Variants in ANKRD30A observed in about 807,000 individuals in gnomAD.
The protein encoded by ANKRD30A is ankyrin repeat domain-containing protein 30A.
In ANKRD30A, 170 loss-of-function variants were observed where a neutral mutation model predicts 166.3. That is an observed-to-expected ratio of 1.02 (90% CI 0.90 to 1.16). The LOEUF (loss-of-function observed/expected upper bound fraction) is 1.16. Ranked by LOEUF, ANKRD30A falls within the 50% of genes most tolerant of loss-of-function variation. The pLI, the probability that ANKRD30A is intolerant of heterozygous loss-of-function variation, is 0.00. For synonymous variants in ANKRD30A, 564 were observed against 508.9 expected (o/e 1.11, Z -1.46); for missense variants, 1,630 against 1,518.0 (o/e 1.07, Z -1.23).
chr10:37,207,821 C>T (rs924860279), intron 31 of ANKRD30A, among the ~76,000 whole-genome samples: 9 of 151,808 alleles, frequency 5.9e-5, no homozygotes, highest in African/African-American at 2.2e-4. Flanking sequence ...CTTTAAATGA[C>T]TAGACATAAA....
chr10:37,216,108 A>G, intron 31 of ANKRD30A, 73 bp from the exon 32 acceptor site: 3 of 1,088,028 alleles, frequency 2.8e-6, no homozygotes, highest in Non-Finnish European at 4.0e-6. Flanking sequence ...TGTATAAGTG[A>G]TTGTTAAAAT....
intron 21 of ANKRD30A, among the ~76,000 whole-genome samples, chr10:37,172,528 G>GTT (rs143038047): frequency 1.2e-4 from 13 of 111,698 alleles, no homozygotes; most frequent in African/African-American, 4.5e-4. Flanking sequence ...AGAGTTAGAG[G>GTT]TTTTTTTTTA....
chr10:37,158,760 G>A (rs570721765), intron 15 of ANKRD30A, among the ~76,000 whole-genome samples, 174 bp downstream of exon 15: 83 of 152,232 alleles, frequency 5.5e-4, no homozygotes, highest in Non-Finnish European at 1.3e-4. Context: ...ACAAGCATAA[G>A]ATTTAGAGAT....
At chr10:37,139,406 C>T (rs1219647570) in intron 6 of ANKRD30A, among the ~76,000 whole-genome samples, 1 of 152,238 alleles carries the variant, frequency 6.6e-6, no homozygotes, top group Non-Finnish European at 1.5e-5. Flanking sequence ...TGAGTCAACA[C>T]ACCCGTGGGT....
chr10:37,144,241 G>A (rs1483055871), intron 7 of ANKRD30A, among the ~76,000 whole-genome samples: 2 of 152,106 alleles, frequency 1.3e-5, no homozygotes, highest in African/African-American at 2.4e-5. Flanking sequence ...ATGGCTGTCA[G>A]TATTCCTTGG....
In ANKRD30A at chr10:37,162,253, A is replaced by T. The variant is rs562918157; in HGVS notation, c.1901-396A>T. On this transcript the variant is annotated intron_variant, in intron 15 of 35. Coordinates refer to ENST00000361713, the MANE Select transcript of ANKRD30A (RefSeq NM_052997.3). Reference sequence around the variant, plus strand: ...CAGTTCTACATTCAGCTGAACTTTCATCATAACTATGTACCTTTCCGAAGA... The same window carrying T: ...CAGTTCTACATTCAGCTGAACTTTCTTCATAACTATGTACCTTTCCGAAGA... 7.2e-5 allele frequency among the ~76,000 whole-genome samples: 11 copies of T among 152,290 alleles called. No individual in the cohort carries two copies. The South Asian group carries it at 2.3e-3, about 32-fold the overall frequency.
chr10:37,138,191 C>A (rs1173975994), intron 6 of ANKRD30A, among the ~76,000 whole-genome samples: 1 of 152,064 alleles, frequency 6.6e-6, no homozygotes, highest in African/African-American at 2.4e-5. Context: ...GGAAAACTAA[C>A]AAACAGAAAG....
At chr10:37,139,691 C>G (rs568817949) in intron 6 of ANKRD30A, among the ~76,000 whole-genome samples, 16 of 152,262 alleles carry the variant, frequency 1.1e-4, no homozygotes, top group African/African-American at 3.6e-4. Context: ...GACTGAACTC[C>G]CACAATAACC....
chr10:37,209,149 T>C (rs1236705507), intron 31 of ANKRD30A, among the ~76,000 whole-genome samples: 2 of 152,208 alleles, frequency 1.3e-5, no homozygotes, highest in African/African-American at 4.8e-5. Flanking sequence ...GGCAGTTCTC[T>C]TGTTTGTAAT....
At chr10:37,145,455 C>T (rs544484713) in intron 8 of ANKRD30A, among the ~76,000 whole-genome samples, 1 of 152,150 alleles carries the variant, frequency 6.6e-6, no homozygotes, top group African/African-American at 2.4e-5. Flanking sequence ...CAGATCGGGC[C>T]ATTGCACTCC....
chr10:37,154,636 A>G (rs1358953361), intron 13 of ANKRD30A, among the ~76,000 whole-genome samples: 1 of 152,162 alleles, frequency 6.6e-6, no homozygotes, highest in Non-Finnish European at 1.5e-5. Flanking sequence ...CAGGTGTTGA[A>G]TGGGAAGAAC....
chr10:37,159,620 A>C (rs944425187), intron 15 of ANKRD30A, among the ~76,000 whole-genome samples: 1 of 152,110 alleles, frequency 6.6e-6, no homozygotes, highest in African/African-American at 2.4e-5. Flanking sequence ...ATTTGTTTTC[A>C]TGTCTTATAG....
At chr10:37,220,705 A>G (rs1302074690) in intron 34 of ANKRD30A, among the ~76,000 whole-genome samples, 1 of 151,170 alleles carries the variant, frequency 6.6e-6, no homozygotes, top group Admixed American at 6.6e-5. Context: ...ATCATGTCCC[A>G]GAGAAAGATC....
At chr10:37,127,950 C>T (rs1228413055) in intron 1 of ANKRD30A, among the ~76,000 whole-genome samples, 1 of 152,050 alleles carries the variant, frequency 6.6e-6, no homozygotes, top group East Asian at 1.9e-4. Context: ...AATTTCTTTT[C>T]TGAGCACTTC....
At chr10:37,234,136 TCTTG>T (rs1431427822), downstream of ANKRD30A, among the ~76,000 whole-genome samples, 1 of 152,202 alleles carries the variant, frequency 6.6e-6, no homozygotes, top group African/African-American at 2.4e-5. Context: ...ATTTGCCAGT[TCTTG>T]CACCTGTCAC....
At chr10:37,163,043 G>A (rs143583224) in intron 17 of ANKRD30A, among the ~76,000 whole-genome samples, 195 bp downstream of exon 17, 4,067 of 152,156 alleles carry the variant, frequency 0.027, 85 homozygotes, top group Non-Finnish European at 0.038. Context: ...TTAAAAAAAT[G>A]TAGCCTTAAT....
chr10:37,131,924 C>T (rs1035217548), intron 3 of ANKRD30A, among the ~76,000 whole-genome samples: 18 of 152,218 alleles, frequency 1.2e-4, no homozygotes, highest in Non-Finnish European at 2.6e-4. Flanking sequence ...ACTACTATGT[C>T]TTAGGGTTTA....
rs1842996971 is a variant in ANKRD30A, at chr10:37,223,725, C to G, written c.4185+3828C>G. On this transcript the variant is annotated intron_variant, in intron 34 of 35. Coordinates refer to ENST00000361713, the MANE Select transcript of ANKRD30A (RefSeq NM_052997.3). Reference sequence around the variant, plus strand: ...GTATAAACTGCATGTTATAAAACGGCTTTACACATATATAACTCATGAACT... The same window carrying G: ...GTATAAACTGCATGTTATAAAACGGGTTTACACATATATAACTCATGAACT... Among the ~76,000 whole-genome samples, 3 of 151,006 alleles carry G rather than the reference C, an allele frequency of 2.0e-5. No individual in the cohort carries two copies. The South Asian group carries it at 6.2e-4, about 31-fold the overall frequency.
At chr10:37,256,503 A>G in the ANKRD30A span, among the ~76,000 whole-genome samples, 2 of 152,214 alleles carry the variant, frequency 1.3e-5, no homozygotes, top group African/African-American at 4.8e-5. Context: ...CTCTGTCACT[A>G]TACTGCAAGC....
Sources: gnomAD v4.1 joint callset for allele counts (sites outside exome capture counted in the v4.1 genomes callset) on GRCh38, gnomAD v4.1.1 for gene constraint, MANE v1.5 for transcripts, NCBI Gene and HGNC (gene_info 2026-07-23, HGNC 2026-07-21) for gene names.